The following POLR2F variants were observed in gnomAD, a reference collection of about 807,000 sequenced individuals.
POLR2F encodes the protein DNA-directed RNA polymerases I, II, and III subunit RPABC2.
Under a neutral mutation model 22.7 loss-of-function variants are expected in POLR2F, and 12 were observed. The observed-to-expected ratio is 0.53, with a 90% CI of 0.34 to 0.86. The LOEUF is 0.86. Ranked by LOEUF, POLR2F falls within the 40% of genes least tolerant of loss-of-function variation. The pLI is 0.02. For missense variants in POLR2F, 126 were observed against 171.5 expected (o/e 0.73, Z 1.48); for synonymous variants, 57 against 66.0 (o/e 0.86, Z 0.66).
chr22:38,038,172 C>T (rs973307530), intron 5 of POLR2F, among the ~76,000 whole-genome samples: 1 of 152,140 alleles, frequency 6.6e-6, no homozygotes, highest in Non-Finnish European at 1.5e-5. Context: ...TTAGGAAAAA[C>T]GTCCTGAAAG....
chr22:37,988,588 T>C (rs1429249806), intron 1 of POLR2F, among the ~76,000 whole-genome samples: 1 of 151,780 alleles, frequency 6.6e-6, no homozygotes, highest in Non-Finnish European at 1.5e-5. Flanking sequence ...GAGGCAGAGG[T>C]TGCAGTGAGC....
chr22:38,040,957 T>G, intron 5 of POLR2F: 1 of 1,551,440 alleles, frequency 6.4e-7, no homozygotes, highest in South Asian at 1.1e-5. Flanking sequence ...AGAATAATGA[T>G]GACAACAGTG....
chr22:38,003,479 G>A (rs374509589), intron 1 of POLR2F, among the ~76,000 whole-genome samples: 7 of 151,412 alleles, frequency 4.6e-5, no homozygotes, highest in Admixed American at 2.0e-4. Context: ...CGCCCACCTC[G>A]GCCTCCCAAA....
downstream of POLR2F, among the ~76,000 whole-genome samples, chr22:38,031,496 G>A (rs992237544): frequency 2.6e-5 from 4 of 152,044 alleles, no homozygotes; most frequent in Non-Finnish European, 5.9e-5. This position sits in a 1 kb window ranked among gnomAD's most constrained non-coding sequence, Gnocchi z 4.1. Flanking sequence ...GTGGGGACTG[G>A]GTCTGATTCA....
At chr22:37,967,526 A>C in intron 4 of POLR2F, 99 bp from the exon 5 acceptor site, 1 of 1,544,390 alleles carries the variant, frequency 6.5e-7, no homozygotes, top group Non-Finnish European at 8.7e-7. Context: ...GCTGCTCCTA[A>C]GACTTCTCTT....
At chr22:38,005,161 A>G (rs1388614366) in intron 1 of POLR2F, among the ~76,000 whole-genome samples, 1 of 152,226 alleles carries the variant, frequency 6.6e-6, no homozygotes, top group Non-Finnish European at 1.5e-5. Context: ...TCTTTTAGGT[A>G]GAAAGCACCT....
At chr22:37,977,322 T>C (rs987925399) in intron 4 of POLR2F, among the ~76,000 whole-genome samples, 3 of 151,590 alleles carry the variant, frequency 2.0e-5, no homozygotes, top group African/African-American at 2.4e-5. Flanking sequence ...AGAGTCTTTT[T>C]TTTTTTCTTT....
intron 1 of POLR2F, among the ~76,000 whole-genome samples, chr22:38,004,979 A>G (rs1272833202): frequency 6.6e-6 from 1 of 152,200 alleles, no homozygotes; most frequent in Non-Finnish European, 1.5e-5. Flanking sequence ...TGTGATACAT[A>G]TTTGTTGCTG....
chr22:38,033,139 C>T (rs975501490), intron 5 of POLR2F: 2 of 160,076 alleles, frequency 1.2e-5, no homozygotes, highest in Admixed American at 6.6e-5. Context: ...AGCCTGGGCC[C>T]CAGAGTGAGA....
chr22:38,023,615 A>G (rs1042776574), intron 1 of POLR2F, among the ~76,000 whole-genome samples: 1 of 152,044 alleles, frequency 6.6e-6, no homozygotes, highest in African/African-American at 2.4e-5. Context: ...TGCCCATTAA[A>G]CACTAACTCC....
chr22:37,985,798 G>A (rs887566259), upstream of POLR2F, among the ~76,000 whole-genome samples: 1 of 147,794 alleles, frequency 6.8e-6, no homozygotes, highest in Non-Finnish European at 1.5e-5. Flanking sequence ...CATGTTGGGG[G>A]TGGGGGGAGC....
chr22:38,004,321 A>G (rs1276295500), intron 1 of POLR2F, among the ~76,000 whole-genome samples: 1 of 152,052 alleles, frequency 6.6e-6, no homozygotes, highest in Non-Finnish European at 1.5e-5. Context: ...AATGATGACA[A>G]CCTGTATTAG....
downstream of POLR2F, chr22:37,970,921 A>T (rs1340176701): frequency 3.8e-6 from 1 of 265,774 alleles, no homozygotes; most frequent in African/African-American, 2.2e-5. Context: ...ATTGTCTAAA[A>T]GATCGGGGTT....
chr22:38,010,616 T>G (rs1054074950), intron 1 of POLR2F, among the ~76,000 whole-genome samples: 2 of 135,202 alleles, frequency 1.5e-5, no homozygotes, highest in Non-Finnish European at 3.2e-5. Context: ...TTTTTTTTTT[T>G]TTTTTTTTTT....
intron 1 of POLR2F, among the ~76,000 whole-genome samples, chr22:38,003,657 A>G (rs1184502129): frequency 6.6e-6 from 1 of 151,582 alleles, no homozygotes; most frequent in African/African-American, 2.4e-5. Flanking sequence ...GCTTACTGCA[A>G]CCTTTGCATC....
At chr22:37,970,397 T>C (rs1342137305), downstream of POLR2F, among the ~76,000 whole-genome samples, 1 of 146,974 alleles carries the variant, frequency 6.8e-6, no homozygotes, top group African/African-American at 2.5e-5. Flanking sequence ...GGTCAGGAGA[T>C]TGAGACCATC....
chr22:38,023,827 C>T (rs541953181), intron 1 of POLR2F, among the ~76,000 whole-genome samples: 10 of 148,534 alleles, frequency 6.7e-5, no homozygotes, highest in Admixed American at 5.5e-4. Context: ...TGCGCACCAC[C>T]ACGCCTGGCT....
chr22:38,001,602 G>A (rs369178096), intron 1 of POLR2F, among the ~76,000 whole-genome samples: 5 of 152,152 alleles, frequency 3.3e-5, no homozygotes, highest in African/African-American at 4.8e-5. Context: ...GTATAATGTC[G>A]GCTCACTGCA....
intron 4 of POLR2F, 135 bp from the exon 5 acceptor site, chr22:37,967,490 C>A: frequency 6.8e-7 from 1 of 1,467,158 alleles, no homozygotes; most frequent in Non-Finnish European, 9.0e-7. Flanking sequence ...TGCTTTCTTA[C>A]AAAGTACACT....
Sources: allele counts gnomAD v4.1 joint callset (sites outside exome capture counted in the v4.1 genomes callset), GRCh38; gene constraint gnomAD v4.1.1; non-coding constraint Gnocchi (gnomAD v3.1); transcripts MANE v1.5; gene names NCBI Gene and HGNC (gene_info 2026-07-23, HGNC 2026-07-21).